Variants in SAYSD1 observed in about 807,000 individuals in gnomAD.
The protein encoded by SAYSD1 is SAYSvFN domain-containing protein 1.
A neutral mutation model predicts 14.5 loss-of-function variants in SAYSD1; 15 were observed. The ratio of observed to expected loss-of-function variants is 1.03; its 90% CI spans 0.69 to 1.59. The LOEUF (loss-of-function observed/expected upper bound fraction) is 1.59, where lower values mean the gene tolerates loss of function less well. Ranked by LOEUF, SAYSD1 falls within the 40% of genes most tolerant of loss-of-function variation. The pLI is 0.00. For synonymous variants in SAYSD1, 105 were observed against 102.6 expected (o/e 1.02, Z -0.14); for missense variants, 247 against 227.3 (o/e 1.09, Z -0.56).
rs778316136 is a variant in SAYSD1, at chr6:39,115,130, G to T, written c.-41C>A. 25 of 1,562,192 alleles carry T rather than the reference G, an allele frequency of 1.6e-5. No individual in the cohort carries two copies. Among genetic ancestry groups the T allele is most frequent in the African/African-American group, 2.7e-5 (2 of 73,826 alleles). ...TCCGTTGGCCGATAAGGGAGCGCGCGCCCGCAGGCCGCACAGCAGTTGCCT... is the reference window on the plus strand; with the variant it reads ...TCCGTTGGCCGATAAGGGAGCGCGCTCCCGCAGGCCGCACAGCAGTTGCCT... On this transcript the variant is annotated 5_prime_UTR_variant, in exon 1 of 2. Coordinates refer to ENST00000229903, the MANE Select transcript of SAYSD1 (RefSeq NM_018322.3).
chr6:39,109,651 A>C (rs1441395787), intron 1 of SAYSD1: 2 of 1,182,276 alleles, frequency 1.7e-6, no homozygotes, highest in Non-Finnish European at 2.1e-6. Flanking sequence ...AAGTTTTTGG[A>C]ATCTCCATGC....
rs752452514 is a variant in SAYSD1 at position 39,105,588 on chromosome 6, A to G, written c.396T>C (p.Tyr132=). ...GLAYFVLSLF[Y]WMYVGTRGPE... is the part of the protein sequence containing the mutation. ...GGCCTCGTGTCCCGACGTACATCCA[A>G]TAGAACAAGGACAGGACAAAATATG... The change falls in exon 2 of 2, where the codon TAT becomes TAC. Residue 132 remains tyrosine, a synonymous_variant. Coordinates refer to ENST00000229903, the MANE Select transcript of SAYSD1 (RefSeq NM_018322.3). 7.4e-6 allele frequency: 12 copies of G among 1,614,100 alleles called. No homozygotes were observed. The African/African-American group carries it at 1.5e-4, about 20-fold the overall frequency.
At chr6:39,114,241 T>G (rs1769685868) in intron 1 of SAYSD1, among the ~76,000 whole-genome samples, 1 of 152,250 alleles carries the variant, frequency 6.6e-6, no homozygotes, top group East Asian at 1.9e-4. Flanking sequence ...GGATGCAAAT[T>G]AAATTCATCT....
intron 1 of SAYSD1, 86 bp from the exon 2 acceptor site, chr6:39,105,862 G>A: frequency 8.3e-7 from 1 of 1,199,806 alleles, no homozygotes; most frequent in Non-Finnish European, 1.2e-6. Flanking sequence ...AGTTTTCATT[G>A]CTCTGAGAAG....
chr6:39,109,431 T>G, intron 1 of SAYSD1: 1 of 1,547,006 alleles, frequency 6.5e-7, no homozygotes, highest in Non-Finnish European at 8.7e-7. Context: ...CATCAATGAC[T>G]GCTGAAAAGA....
chr6:39,105,183 G>T lies in SAYSD1; in HGVS notation c.*249C>A, dbSNP rs763425833. 8 of 473,844 alleles carry T rather than the reference G, an allele frequency of 1.7e-5. No homozygotes were observed. Among genetic ancestry groups the T allele is most frequent in the Non-Finnish European group, 3.0e-5 (8 of 264,260 alleles). 29.4% of individuals were successfully genotyped at this position (473,844 alleles called of 1,614,324 possible). A position where few individuals can be genotyped will look rare whatever the true frequency, so the allele number is the denominator to read the frequency against. ...AACAGATGAGAAATGAAACAAACAG[G>T]TCTCCCTTCTTGAGTACATAATTTT... On this transcript the variant is annotated 3_prime_UTR_variant, in exon 2 of 2. Transcript: ENST00000229903.
At chr6:39,112,040 C>G (rs934266395) in intron 1 of SAYSD1, 3 of 151,632 alleles carry the variant, frequency 2.0e-5, no homozygotes, top group Admixed American at 6.6e-5. Context: ...ACTATCGGAT[C>G]ACTAGAAATA....
rs115293229 is a variant in SAYSD1, at chr6:39,106,172, A to T, written c.208-396T>A. On this transcript the variant is annotated intron_variant, in intron 1 of 1. Coordinates refer to ENST00000229903, the MANE Select transcript of SAYSD1 (RefSeq NM_018322.3). ...AATATACCTTTGTTGATTGGATTAG[A>T]TGACCTAAAATATTACAAGTGACAT... Among the ~76,000 whole-genome samples, 820 of 152,302 alleles carry T rather than the reference A, an allele frequency of 5.4e-3. 3 individuals are homozygous for T. The highest frequency in any genetic ancestry group is 0.035 in the South Asian group (169 of 4,824).
intron 1 of SAYSD1, chr6:39,113,830 T>C (rs1381371815): frequency 1.3e-5 from 2 of 152,248 alleles, no homozygotes; most frequent in African/African-American, 4.8e-5. Flanking sequence ...TAACACAAAC[T>C]GCACACAAGG....
At chr6:39,109,274 A>T in intron 1 of SAYSD1, 1 of 1,530,488 alleles carries the variant, frequency 6.5e-7, no homozygotes, top group Non-Finnish European at 8.9e-7. Context: ...ATGGCTGGAG[A>T]GGGAAGCAGG....
chr6:39,107,375 C>T (rs1769525898), intron 1 of SAYSD1, among the ~76,000 whole-genome samples: 1 of 152,240 alleles, frequency 6.6e-6, no homozygotes, highest in African/African-American at 2.4e-5. Context: ...TCATTAAGCA[C>T]CAAACTATTC....
At position 39,109,519 on chromosome 6, in the gene SAYSD1, A is replaced by T. The variant is rs555146714; in HGVS notation, c.208-3743T>A. 4 of 1,458,864 alleles carry T rather than the reference A, an allele frequency of 2.7e-6. No individual in the cohort carries two copies. In the East Asian group the frequency reaches 1.0e-4, roughly 36 times the overall value. The allele number at this position is 1,458,864 out of a possible 1,614,324, so 90.4% of individuals were successfully genotyped here. A position where few individuals can be genotyped will look rare whatever the true frequency, so the allele number is the denominator to read the frequency against. On this transcript the variant is annotated intron_variant, in intron 1 of 1. Coordinates refer to ENST00000229903, the MANE Select transcript of SAYSD1 (RefSeq NM_018322.3). Reference sequence around the variant, plus strand: ...TGCAGTCAGAGCTTGGCCCAAATGGAGGCCGCAGTGGCTTTGTTGCTCCAA... The same window carrying T: ...TGCAGTCAGAGCTTGGCCCAAATGGTGGCCGCAGTGGCTTTGTTGCTCCAA...
intron 1 of SAYSD1, chr6:39,113,867 C>A (rs1769679382): frequency 1.3e-5 from 2 of 152,234 alleles, no homozygotes; most frequent in African/African-American, 4.8e-5. Flanking sequence ...CTCTGCTGCG[C>A]TCTTTTCACC....
chr6:39,109,176 T>G, intron 1 of SAYSD1: 3 of 852,648 alleles, frequency 3.5e-6, no homozygotes, highest in Non-Finnish European at 5.8e-6. Context: ...AAGGCCAGCC[T>G]GAGCCAAGGC....
intron 1 of SAYSD1, chr6:39,109,169 G>A: frequency 1.2e-6 from 1 of 800,610 alleles, no homozygotes; most frequent in Non-Finnish European, 2.1e-6. Context: ...TGAGCAGAAG[G>A]CCAGCCTGAG....
intron 1 of SAYSD1, chr6:39,111,484 C>G (rs942925270): frequency 6.6e-6 from 1 of 152,108 alleles, no homozygotes; most frequent in Non-Finnish European, 1.5e-5. Flanking sequence ...GAAAAACTTA[C>G]CATCAGCGAT....
Position 39,115,125 on chromosome 6 carries a change from C to T in SAYSD1, c.-36G>A. The T allele has an allele frequency of 1.9e-6, 3 of 1,576,242 alleles. No homozygotes were observed. Among genetic ancestry groups the T allele is most frequent in the East Asian group, 2.3e-5 (1 of 43,996 alleles). The stretch of plus-strand genomic sequence containing the variant: ...TCGCGTCCGTTGGCCGATAAGGGAG[C>T]GCGCGCCCGCAGGCCGCACAGCAGT... On this transcript the variant is annotated 5_prime_UTR_variant, in exon 1 of 2. Transcript: ENST00000229903.
At chr6:39,108,403 G>C (rs1204664519) in intron 1 of SAYSD1, among the ~76,000 whole-genome samples, 1 of 128,676 alleles carries the variant, frequency 7.8e-6, no homozygotes, top group African/African-American at 3.0e-5. Flanking sequence ...AAAGGTTAGG[G>C]AGCTAGAGGT....
intron 1 of SAYSD1, among the ~76,000 whole-genome samples, chr6:39,108,326 A>T (rs1308830307): frequency 6.8e-6 from 1 of 147,156 alleles, no homozygotes; most frequent in African/African-American, 2.5e-5. Context: ...TCAGTCTCGG[A>T]TCCTAGGATG....
Sources: gnomAD v4.1 joint callset for allele counts (sites outside exome capture counted in the v4.1 genomes callset) on GRCh38, gnomAD v4.1.1 for gene constraint, MANE v1.5 for transcripts, NCBI Gene and HGNC (gene_info 2026-07-23, HGNC 2026-07-21) for gene names.